ADAMTS6: variants seen among roughly 807,000 people sequenced by gnomAD.
The protein encoded by ADAMTS6 is ADAM metallopeptidase with thrombospondin type 1 motif 6.
ADAMTS6 carries 23 observed loss-of-function variants against 144.3 expected under a neutral mutation model. That is an observed-to-expected ratio of 0.16 (90% CI 0.11 to 0.23). The LOEUF is 0.23. Ranked by LOEUF, ADAMTS6 falls within the 10% of genes least tolerant of loss-of-function variation. ADAMTS6 has a pLI of 1.00. For missense variants in ADAMTS6, 999 were observed against 1,379.6 expected, an observed-to-expected ratio of 0.72 and a Z score of 4.37; for synonymous variants, 444 against 457.5, an observed-to-expected ratio of 0.97 and a Z score of 0.38.
chr5:65,358,598 G>A (rs1749556370), intron 7 of ADAMTS6, among the ~76,000 whole-genome samples: 1 of 152,002 alleles, frequency 6.6e-6, no homozygotes, highest in Admixed American at 6.6e-5. Context: ...GAACAAAGCT[G>A]AAGGCATCGC....
At chr5:65,334,641 A>G (rs1747135488) in intron 7 of ADAMTS6, among the ~76,000 whole-genome samples, 3 of 152,208 alleles carry the variant, frequency 2.0e-5, no homozygotes, top group Admixed American at 2.0e-4. Context: ...GCAAATTAGC[A>G]TGGCTAAAAT....
intron 7 of ADAMTS6, among the ~76,000 whole-genome samples, chr5:65,445,573 C>T (rs1695722433): frequency 6.6e-6 from 1 of 152,142 alleles, no homozygotes; most frequent in African/African-American, 2.4e-5. Flanking sequence ...AACTCCCGAC[C>T]TCAAGTATTC....
chr5:65,433,762 T>C (rs1757175884), intron 7 of ADAMTS6, among the ~76,000 whole-genome samples: 1 of 152,154 alleles, frequency 6.6e-6, no homozygotes, highest in Non-Finnish European at 1.5e-5. Flanking sequence ...ATGTTGGCCA[T>C]GACACAGAGA....
chr5:65,416,805 A>T (rs2150191939), intron 7 of ADAMTS6, among the ~76,000 whole-genome samples: 1 of 151,538 alleles, frequency 6.6e-6, no homozygotes, highest in East Asian at 1.9e-4. Flanking sequence ...AAAATAATAT[A>T]AAATGTGGTA....
At chr5:65,375,318 C>A (rs1236909106) in intron 7 of ADAMTS6, among the ~76,000 whole-genome samples, 2 of 151,876 alleles carry the variant, frequency 1.3e-5, no homozygotes, top group African/African-American at 4.8e-5. Context: ...TCAGAGTGAA[C>A]AGGAAACCTA....
chr5:65,290,592 T>A (rs1742203039), intron 11 of ADAMTS6, among the ~76,000 whole-genome samples: 1 of 152,118 alleles, frequency 6.6e-6, no homozygotes, highest in South Asian at 2.1e-4. Flanking sequence ...TCTCAACTTA[T>A]TTTTTAAATC....
chr5:65,335,942 T>TA (rs149791119), intron 7 of ADAMTS6, among the ~76,000 whole-genome samples: 5,348 of 150,320 alleles, frequency 0.036, 163 homozygotes, highest in African/African-American at 0.084. Flanking sequence ...TAAGCCAGAT[T>TA]AAAAAAAAAG....
intron 7 of ADAMTS6, among the ~76,000 whole-genome samples, chr5:65,364,555 A>T (rs1171839492): frequency 3.9e-4 from 58 of 148,696 alleles, no homozygotes; most frequent in Middle Eastern, 6.8e-3. Context: ...ATCCTGAATG[A>T]ATTTCTTTCT....
intron 8 of ADAMTS6, among the ~76,000 whole-genome samples, chr5:65,332,287 G>A (rs1746807737): frequency 8.5e-6 from 1 of 117,952 alleles, no homozygotes; most frequent in Non-Finnish European, 1.7e-5. Flanking sequence ...GACAGTGAGG[G>A]TATATATATA....
At chr5:65,341,670 A>C (rs1326004178) in intron 7 of ADAMTS6, among the ~76,000 whole-genome samples, 2 of 152,128 alleles carry the variant, frequency 1.3e-5, no homozygotes, top group Non-Finnish European at 2.9e-5. Flanking sequence ...ACCTGAACAG[A>C]CCAATTATAA....
intron 7 of ADAMTS6, among the ~76,000 whole-genome samples, chr5:65,349,027 C>T (rs1748608514): frequency 6.6e-6 from 1 of 151,998 alleles, no homozygotes; most frequent in South Asian, 2.1e-4. Context: ...TTTAGTTTTA[C>T]AGAACATGGT....
At chr5:65,180,377 A>T (rs1754269780) in intron 22 of ADAMTS6, among the ~76,000 whole-genome samples, 2 of 152,292 alleles carry the variant, frequency 1.3e-5, no homozygotes, top group South Asian at 4.1e-4. Flanking sequence ...GGGAGTGAAG[A>T]TCAAGAGAGA....
At chr5:65,301,038 C>T (rs1446250599) in intron 9 of ADAMTS6, among the ~76,000 whole-genome samples, 1 of 152,066 alleles carries the variant, frequency 6.6e-6, no homozygotes, top group East Asian at 1.9e-4. Context: ...CATTGATATA[C>T]TTAAGGATTT....
chr5:65,436,691 C>T (rs533565774), intron 7 of ADAMTS6, among the ~76,000 whole-genome samples: 1 of 112,946 alleles, frequency 8.9e-6, no homozygotes, highest in African/African-American at 3.2e-5. Flanking sequence ...TTAAAAAAAA[C>T]CAAAAAACAA....
chr5:65,457,685 T>C (rs1387916026), intron 4 of ADAMTS6, among the ~76,000 whole-genome samples: 1 of 151,764 alleles, frequency 6.6e-6, no homozygotes. Flanking sequence ...GGAAAAATGA[T>C]AGAATAATTA....
rs375984345 is a variant in ADAMTS6 at position 65,170,563 on chromosome 5, A to G, written c.3244+54T>C. The G allele has an allele frequency of 1.2e-4, 194 of 1,591,492 alleles. No individual in the cohort carries two copies. The African/African-American group carries it at 2.4e-3, about 20-fold the overall frequency. On this transcript the variant is annotated intron_variant, in intron 24 of 24. Coordinates refer to ENST00000381055, the MANE Select transcript of ADAMTS6 (RefSeq NM_197941.4). Reference sequence around the variant, plus strand: ...TTACTGTGCTCTTCAGACCCTGGGAACAGTAAAGGTGGGTCATTAGAAACC... The same window carrying G: ...TTACTGTGCTCTTCAGACCCTGGGAGCAGTAAAGGTGGGTCATTAGAAACC...
rs549030823 is a variant in ADAMTS6 at position 65,215,373 on chromosome 5, G to A, written c.2387C>T (p.Pro796Leu). The A allele has an allele frequency of 1.9e-6, 3 of 1,614,034 alleles. No homozygotes were observed. The highest frequency in any genetic ancestry group is 4.5e-5 in the East Asian group (2 of 44,868). The change falls in exon 19 of 25, where the codon CCA becomes CTA. Residue 796 changes from proline (P) to leucine (L), a missense_variant. This residue lies in a region of ADAMTS6 where 619 missense variants were observed against 837.0 expected (regional missense o/e 0.74). Transcript: ENST00000381055. ...AFHYKRPTDE[P>L]ESLEALGPTS... ...AGGACCTAGAGCTTCCAAGGATTCTGGTTCATCAGTTGGTCTCTTGTAATG... is the reference window on the plus strand; with the variant it reads ...AGGACCTAGAGCTTCCAAGGATTCTAGTTCATCAGTTGGTCTCTTGTAATG...
At chr5:65,225,646 A>G (rs1757669409) in intron 16 of ADAMTS6, among the ~76,000 whole-genome samples, 2 of 152,206 alleles carry the variant, frequency 1.3e-5, no homozygotes, top group South Asian at 4.1e-4. Flanking sequence ...AAATGCTTCA[A>G]AAGGAGATAA....
At chr5:65,384,139 T>C (rs1436342011) in intron 7 of ADAMTS6, among the ~76,000 whole-genome samples, 2 of 152,236 alleles carry the variant, frequency 1.3e-5, no homozygotes, top group Admixed American at 6.5e-5. Context: ...GAATAGCATC[T>C]GGCTTCATTC....
Sources: gnomAD v4.1 joint callset for allele counts (sites outside exome capture counted in the v4.1 genomes callset) on GRCh38, gnomAD v4.1.1 for gene constraint, gnomAD v4.1.1 regional missense constraint, MANE v1.5 for transcripts, NCBI Gene and HGNC (gene_info 2026-07-23, HGNC 2026-07-21) for gene names.